FAM227A: variants seen among roughly 807,000 people sequenced by gnomAD.
FAM227A encodes protein FAM227A.
A neutral mutation model predicts 74.7 loss-of-function variants in FAM227A; 80 were observed. The ratio of observed to expected loss-of-function variants is 1.07; its 90% CI spans 0.89 to 1.29. The LOEUF is 1.29. Ranked by LOEUF, FAM227A falls within the 50% of genes most tolerant of loss-of-function variation. FAM227A has a pLI of 0.00. For missense variants in FAM227A, 654 were observed against 683.4 expected (o/e 0.96, Z 0.48); for synonymous variants, 237 against 241.8 (o/e 0.98, Z 0.19).
chr22:38,597,439 G>C, intron 14 of FAM227A, 83 bp from the exon 15 acceptor site: 1 of 1,337,696 alleles, frequency 7.5e-7, no homozygotes. Flanking sequence ...CAGTGCATGG[G>C]GAAGAGGGGC....
rs1412995112 is a variant in FAM227A at position 38,585,187 on chromosome 22, G to T, written c.*938C>A. On this transcript the variant is annotated 3_prime_UTR_variant, in exon 17 of 17. Coordinates refer to ENST00000535113, the MANE Select transcript of FAM227A (RefSeq NM_001013647.2). ...TGAACTTTACTATTCCTTGTCTCAT[G>T]AACTGGGAGTGACTAAATGTGTCCC... The T allele has an allele frequency of 6.6e-6, 1 of 152,154 alleles. No individual in the cohort carries two copies. The highest frequency in any genetic ancestry group is 2.4e-5 in the African/African-American group (1 of 41,428). 9.4% of individuals were successfully genotyped at this position (152,154 alleles called of 1,614,324 possible). A position where few individuals can be genotyped will look rare whatever the true frequency, so the allele number is the denominator to read the frequency against.
chr22:38,609,842 G>A (rs2091373765), intron 11 of FAM227A, among the ~76,000 whole-genome samples: 1 of 151,540 alleles, frequency 6.6e-6, no homozygotes. Context: ...CGCGATCTCA[G>A]CTCACTGCAA....
intron 1 of FAM227A, among the ~76,000 whole-genome samples, chr22:38,651,997 G>T (rs1028692311): frequency 1.3e-5 from 2 of 149,670 alleles, no homozygotes; most frequent in Non-Finnish European, 3.0e-5. Flanking sequence ...GACCAGCCTG[G>T]CCAACGTGGT....
rs1429756977 is a variant in FAM227A at position 38,599,875 on chromosome 22, T to G, written c.1268A>C (p.Asn423Thr). The G allele has an allele frequency of 6.4e-7, 1 of 1,551,342 alleles. No individual in the cohort carries two copies. Among genetic ancestry groups the G allele is most frequent in the East Asian group, 2.4e-5 (1 of 40,900 alleles). ...KSPELTSNLFNIYGKSPLIVY... is the reference protein window; with the variant it reads ...KSPELTSNLFTIYGKSPLIVY... ...AATCAGAGGGCTCTTCCCATAAATG[T>G]TGAAGAGGTTTGAAGTCAGCTCAGG... is the stretch of plus-strand genomic sequence containing the variant. The change falls in exon 14 of 17, where the codon AAC (asparagine) becomes ACC (threonine). Residue 423 changes from asparagine (N) to threonine (T), a missense_variant. Transcript: ENST00000535113.
chr22:38,649,347 C>A (rs2092289402), intron 2 of FAM227A, among the ~76,000 whole-genome samples: 1 of 151,822 alleles, frequency 6.6e-6, no homozygotes, highest in East Asian at 1.9e-4. Context: ...GGCAGATCAC[C>A]TGAGGTCAGG....
At chr22:38,608,760 C>T (rs2146268957) in intron 11 of FAM227A, among the ~76,000 whole-genome samples, 1 of 150,686 alleles carries the variant, frequency 6.6e-6, no homozygotes, top group East Asian at 1.9e-4. Flanking sequence ...CACACGGTTC[C>T]AGCTTTCATA....
At chr22:38,609,974 T>A (rs2091377131) in intron 11 of FAM227A, among the ~76,000 whole-genome samples, 1 of 152,180 alleles carries the variant, frequency 6.6e-6, no homozygotes, top group Non-Finnish European at 1.5e-5. Flanking sequence ...GGTTTCGCCT[T>A]ATTGGCCAGG....
intron 15 of FAM227A, among the ~76,000 whole-genome samples, chr22:38,592,992 C>G (rs919414400): frequency 2.6e-5 from 4 of 152,228 alleles, no homozygotes; most frequent in Non-Finnish European, 5.9e-5. Context: ...ATAGCCAGAC[C>G]TGCCTGTGGC....
At chr22:38,603,578 A>T (rs1264651702) in intron 13 of FAM227A, among the ~76,000 whole-genome samples, 2 of 152,068 alleles carry the variant, frequency 1.3e-5, no homozygotes, top group Non-Finnish European at 2.9e-5. Context: ...CCATTCTTCC[A>T]TATACACAAA....
chr22:38,637,515 AC>A (rs1468722735), intron 5 of FAM227A, among the ~76,000 whole-genome samples: 1 of 152,258 alleles, frequency 6.6e-6, no homozygotes, highest in Non-Finnish European at 1.5e-5. Context: ...GAAACTAATT[AC>A]CGCCACCCAA....
At chr22:38,620,536 G>A (rs1396620772) in intron 10 of FAM227A, among the ~76,000 whole-genome samples, 1 of 152,152 alleles carries the variant, frequency 6.6e-6, no homozygotes, top group Non-Finnish European at 1.5e-5. Flanking sequence ...CGGCGCGGTG[G>A]CTCACGCCTG....
chr22:38,585,901 A>G lies in FAM227A; in HGVS notation c.*224T>C. 9.8e-7 allele frequency: 1 copy of G among 1,017,928 alleles called. No homozygotes were observed. The highest frequency in any genetic ancestry group is 2.9e-5 in the Admixed American group (1 of 34,320). 63.1% of individuals were successfully genotyped at this position (1,017,928 alleles called of 1,614,324 possible). ...AGCATGCACGTAATAAAATACTGAA[A>G]GAGTAAATCTATGAATAAATGTAGT... On this transcript the variant is annotated 3_prime_UTR_variant, in exon 17 of 17. Transcript: ENST00000535113.
At chr22:38,622,488 A>C (rs1273276702) in intron 10 of FAM227A, among the ~76,000 whole-genome samples, 2 of 152,180 alleles carry the variant, frequency 1.3e-5, no homozygotes, top group Non-Finnish European at 2.9e-5. Context: ...GAAATAGAAA[A>C]GCTGACCTTG....
intron 11 of FAM227A, among the ~76,000 whole-genome samples, chr22:38,616,773 A>G (rs1286933474): frequency 6.6e-6 from 1 of 151,886 alleles, no homozygotes; most frequent in Non-Finnish European, 1.5e-5. Flanking sequence ...GATGGGAATG[A>G]CCCCACAGAA....
chr22:38,607,514 G>A lies in FAM227A; in HGVS notation c.1039-38C>T, dbSNP rs58596856. The A allele has an allele frequency of 0.031, 39,127 of 1,259,840 alleles. 1,142 individuals carry two copies. Among genetic ancestry groups the A allele is most frequent in the East Asian group, 0.14 (5,544 of 39,118 alleles). The allele number at this position is 1,259,840 out of a possible 1,614,324, so 78.0% of individuals were successfully genotyped here. A position where few individuals can be genotyped will look rare whatever the true frequency, so the allele number is the denominator to read the frequency against. ...AGAGAGAGAAAGAGAGGGAGAAAGCGAGAGAGAGAGAACAAAATAAAATTG... is the reference window on the plus strand; with the variant it reads ...AGAGAGAGAAAGAGAGGGAGAAAGCAAGAGAGAGAGAACAAAATAAAATTG... On this transcript the variant is annotated intron_variant, in intron 11 of 16. Transcript: ENST00000535113.
chr22:38,632,214 T>C (rs1040555181), intron 6 of FAM227A, among the ~76,000 whole-genome samples: 3 of 152,154 alleles, frequency 2.0e-5, no homozygotes, highest in African/African-American at 7.2e-5. Context: ...GACACAATTC[T>C]GAAGTAGTGA....
At chr22:38,651,776 A>T (rs1049035046) in intron 1 of FAM227A, among the ~76,000 whole-genome samples, 2 of 144,468 alleles carry the variant, frequency 1.4e-5, no homozygotes, top group East Asian at 4.2e-4. Flanking sequence ...TTAAATATCT[A>T]CCCTGTGGCA....
At chr22:38,654,052 G>A (rs2092356889) in intron 1 of FAM227A, among the ~76,000 whole-genome samples, 1 of 152,082 alleles carries the variant, frequency 6.6e-6, no homozygotes, top group Non-Finnish European at 1.5e-5. Context: ...AAGTTAATTA[G>A]ATAAAGGGGA....
At position 38,578,608 on chromosome 22, in the gene FAM227A, A is replaced by G. The variant is rs1216888971; in HGVS notation, c.*7517T>C. On this transcript the variant is annotated 3_prime_UTR_variant, in exon 17 of 17. Coordinates refer to ENST00000535113, the MANE Select transcript of FAM227A (RefSeq NM_001013647.2). ...AGCCATGAGTCTAGTAGAGAAGACA[A>G]TGCAGAAAGAGATAATCACCACACA... The G allele has an allele frequency of 6.6e-6, 1 of 152,214 alleles. No individual in the cohort carries two copies. Among genetic ancestry groups the G allele is most frequent in the Admixed American group, 6.5e-5 (1 of 15,274 alleles). The allele number at this position is 152,214 out of a possible 1,614,324, so 9.4% of individuals were successfully genotyped here.
Sources: gnomAD v4.1 joint callset for allele counts (sites outside exome capture counted in the v4.1 genomes callset) on GRCh38, gnomAD v4.1.1 for gene constraint, MANE v1.5 for transcripts, NCBI Gene and HGNC (gene_info 2026-07-23, HGNC 2026-07-21) for gene names.